The following TRIO variants were observed in gnomAD, a reference collection of about 807,000 sequenced individuals.
TRIO encodes trio Rho guanine nucleotide exchange factor.
TRIO carries 58 observed loss-of-function variants against 351.9 expected under a neutral mutation model. The ratio of observed to expected loss-of-function variants is 0.16; its 90% CI spans 0.13 to 0.21. TRIO has a LOEUF of 0.21. Ranked by LOEUF, TRIO falls within the 10% of genes least tolerant of loss-of-function variation. TRIO has a pLI of 1.00. For synonymous variants in TRIO, 1,758 were observed against 1,595.7 expected, an observed-to-expected ratio of 1.10 and a Z score of -2.42; for missense variants, 3,201 against 4,027.8, an observed-to-expected ratio of 0.79 and a Z score of 5.56.
At chr5:14,261,115 T>C (rs190170384) in intron 1 of TRIO, among the ~76,000 whole-genome samples, 1 of 152,352 alleles carries the variant, frequency 6.6e-6, no homozygotes, top group East Asian at 1.9e-4. Context: ...GGGTAGAGGC[T>C]ACTCATGTGG....
intron 1 of TRIO, among the ~76,000 whole-genome samples, chr5:14,242,186 C>T (rs1335364819): frequency 6.6e-6 from 1 of 152,240 alleles, no homozygotes. Context: ...GGAGGCCTTG[C>T]TTCTGTGCTC....
At chr5:14,335,592 A>G (rs1407043391) in intron 10 of TRIO, among the ~76,000 whole-genome samples, 2 of 152,182 alleles carry the variant, frequency 1.3e-5, no homozygotes, top group African/African-American at 4.8e-5. Flanking sequence ...TTTTTAGAGT[A>G]TTTTAGACAC....
chr5:14,481,575 G>A lies in TRIO; in HGVS notation c.6422G>A (p.Arg2141Gln), dbSNP rs147335955. 11 of 1,614,016 alleles carry A rather than the reference G, an allele frequency of 6.8e-6. No homozygotes were observed. Among genetic ancestry groups the A allele is most frequent in the African/African-American group, 1.3e-5 (1 of 74,982 alleles). ...GAAGTCATGTGCATAGTACCCAGGCGGTGCAACGACATGATGAACGTGGGG... is the reference window on the plus strand; with the variant it reads ...GAAGTCATGTGCATAGTACCCAGGCAGTGCAACGACATGATGAACGTGGGG... ...AVEVMCIVPR[R>Q]CNDMMNVGRL... The change falls in exon 45 of 57, where the codon CGG (arginine) becomes CAG (glutamine). Residue 2141 changes from arginine (R) to glutamine (Q), a missense_variant. This residue lies in a region of TRIO where 307 missense variants were observed against 396.5 expected (regional missense o/e 0.77). Transcript: ENST00000344204.
intron 4 of TRIO, 134 bp downstream of exon 4, chr5:14,287,197 G>T (rs186189554): frequency 1.2e-6 from 1 of 819,964 alleles, no homozygotes. Flanking sequence ...CATGTGATAC[G>T]TAAAATTAGT....
chr5:14,178,459 G>T (rs1335661228), intron 1 of TRIO, among the ~76,000 whole-genome samples: 1 of 152,218 alleles, frequency 6.6e-6, no homozygotes, highest in African/African-American at 2.4e-5. Flanking sequence ...GGTGACAGGT[G>T]TTGCTGTCAA....
chr5:14,172,945 C>G (rs1231652470), intron 1 of TRIO, among the ~76,000 whole-genome samples: 3 of 152,166 alleles, frequency 2.0e-5, no homozygotes, highest in Admixed American at 2.0e-4. Flanking sequence ...AGCGAATAGT[C>G]ACTCAAGCCT....
chr5:14,315,245 G>T (rs1473732579), intron 8 of TRIO, among the ~76,000 whole-genome samples: 4 of 149,128 alleles, frequency 2.7e-5, no homozygotes, highest in Admixed American at 6.7e-5. Flanking sequence ...CCCTGAACTT[G>T]CTCCTCTTTT....
chr5:14,458,980 A>T (rs1239213019), intron 34 of TRIO, among the ~76,000 whole-genome samples: 1 of 152,256 alleles, frequency 6.6e-6, no homozygotes, highest in East Asian at 1.9e-4. Context: ...TATACATATA[A>T]GTACACAAAC....
chr5:14,489,786 C>T (rs547879148), intron 48 of TRIO, among the ~76,000 whole-genome samples: 11 of 152,356 alleles, frequency 7.2e-5, no homozygotes, highest in African/African-American at 2.6e-4. Flanking sequence ...AAGGCGCAAT[C>T]TGCAAGTGGC....
intron 13 of TRIO, among the ~76,000 whole-genome samples, chr5:14,360,681 G>A (rs1744069417): frequency 6.6e-6 from 1 of 152,166 alleles, no homozygotes; most frequent in African/African-American, 2.4e-5. Flanking sequence ...GCTTCCCCTG[G>A]GCCTGTCTAT....
At chr5:14,176,538 C>T (rs536511544) in intron 1 of TRIO, among the ~76,000 whole-genome samples, 3 of 152,244 alleles carry the variant, frequency 2.0e-5, no homozygotes, top group South Asian at 2.1e-4. Context: ...ACTGCAGCCT[C>T]GATTTTCTGG....
At chr5:14,493,476 G>A (rs968203947) in intron 49 of TRIO, among the ~76,000 whole-genome samples, 4 of 152,166 alleles carry the variant, frequency 2.6e-5, no homozygotes, top group Admixed American at 2.6e-4. Context: ...AGTGATGTCT[G>A]ATGTTACCAT....
At chr5:14,441,245 C>CACCATGCAAGT (rs1393143962) in intron 34 of TRIO, 3 of 153,032 alleles carry the variant, frequency 2.0e-5, no homozygotes, top group Admixed American at 6.5e-5. Flanking sequence ...CGGCTCCAGT[C>CACCATGCAAGT]ACCATGCCCA....
intron 1 of TRIO, among the ~76,000 whole-genome samples, chr5:14,254,312 T>A (rs914362164): frequency 6.6e-6 from 1 of 151,886 alleles, no homozygotes; most frequent in Admixed American, 6.6e-5. Flanking sequence ...ACCTCCCAAG[T>A]AGCTGGGATT....
In TRIO at chr5:14,473,845, A is replaced by G. The variant is rs1325683029; in HGVS notation, c.5980-149A>G. 4 of 611,290 alleles carry G rather than the reference A, an allele frequency of 6.5e-6. No homozygotes were observed. In the East Asian group the frequency reaches 1.1e-4, roughly 17 times the overall value. The allele number at this position is 611,290 out of a possible 1,614,324, so 37.9% of individuals were successfully genotyped here. On this transcript the variant is annotated intron_variant, in intron 39 of 56. Coordinates refer to ENST00000344204, the MANE Select transcript of TRIO (RefSeq NM_007118.4). ...AGTATCAGTTAAGGATACTTTTCAT[A>G]TCGGTTTTTTTTGTTTGTTTTTAGA...
At chr5:14,342,179 GC>G (rs1306904740) in intron 11 of TRIO, among the ~76,000 whole-genome samples, 5 of 152,214 alleles carry the variant, frequency 3.3e-5, no homozygotes, top group Non-Finnish European at 2.9e-5. Flanking sequence ...GGAAGCAGGT[GC>G]TCTCTGGCTT....
chr5:14,156,859 T>A (rs1457984386), intron 1 of TRIO, among the ~76,000 whole-genome samples: 1 of 152,200 alleles, frequency 6.6e-6, no homozygotes, highest in Non-Finnish European at 1.5e-5. Flanking sequence ...AGAAAAGAGC[T>A]GCCAGACTCC....
rs190183007 is a variant in TRIO at position 14,506,616 on chromosome 5, T to G, written c.8613-506T>G. ...CACTTGGCAGTGCTGGGTAAGTGTT[T>G]TTTTAGTATGAACAGTAGTTTCAGA... On this transcript the variant is annotated intron_variant, in intron 55 of 56. Coordinates refer to ENST00000344204, the MANE Select transcript of TRIO (RefSeq NM_007118.4). Among the ~76,000 whole-genome samples the G allele has an allele frequency of 5.3e-5, 8 of 152,294 alleles. No individual in the cohort carries two copies. The East Asian group carries it at 1.2e-3, about 22-fold the overall frequency.
intron 1 of TRIO, among the ~76,000 whole-genome samples, chr5:14,270,026 A>T (rs79024756): frequency 0.085 from 12,922 of 152,226 alleles, 618 homozygotes; most frequent in African/African-American, 0.11. Context: ...TGGACCCCAA[A>T]TTCCCACGTA....
Sources: allele counts gnomAD v4.1 joint callset (sites outside exome capture counted in the v4.1 genomes callset), GRCh38; gene constraint gnomAD v4.1.1; regional missense constraint gnomAD v4.1.1; transcripts MANE v1.5; gene names NCBI Gene and HGNC (gene_info 2026-07-23, HGNC 2026-07-21).